The following KIAA0586 variants were observed in gnomAD, a reference collection of about 807,000 sequenced individuals.
KIAA0586 encodes KIAA0586.
Under a neutral mutation model 169.8 loss-of-function variants are expected in KIAA0586, and 144 were observed. The ratio of observed to expected loss-of-function variants is 0.85; its 90% CI spans 0.74 to 0.97. KIAA0586 has a LOEUF of 0.97. KIAA0586 is among the 50% of genes least tolerant of loss of function. The probability of loss-of-function intolerance (pLI) is 0.00; values close to 1 mark genes in which losing one functional copy is unlikely to be tolerated. For synonymous variants in KIAA0586, 625 were observed against 612.4 expected, an observed-to-expected ratio of 1.02 and a Z score of -0.30; for missense variants, 1,854 against 1,823.0, an observed-to-expected ratio of 1.02 and a Z score of -0.31.
rs369243045 is a variant in KIAA0586, at chr14:58,504,240, A to G, written c.4169-4315A>G. Among the ~76,000 whole-genome samples, 12 of 152,328 alleles carry G rather than the reference A, an allele frequency of 7.9e-5. 1 individual carries two copies. The South Asian group carries it at 1.7e-3, about 21-fold the overall frequency. ...TGACCTGATGAGACATTATTCAGTA[A>G]TGAGGATATATAAAAAGGGAGATTT... On this transcript the variant is annotated intron_variant, in intron 27 of 30. Transcript: ENST00000652326.
chr14:58,537,813 A>G (rs1595531933), intron 29 of KIAA0586, among the ~76,000 whole-genome samples: 1 of 151,910 alleles, frequency 6.6e-6, no homozygotes, highest in Non-Finnish European at 1.5e-5. Flanking sequence ...ACGCCCGGCT[A>G]ATTTTTTGTA....
chr14:58,449,758 G>C (rs192610096), intron 7 of KIAA0586, among the ~76,000 whole-genome samples: 176 of 152,212 alleles, frequency 1.2e-3, no homozygotes, highest in African/African-American at 4.0e-3. Context: ...CTCAATTCCA[G>C]AGAATTTCTT....
In KIAA0586 at chr14:58,509,460, G is replaced by A. The variant is rs562088382; in HGVS notation, c.4323+751G>A. 3.5e-4 allele frequency among the ~76,000 whole-genome samples: 53 copies of A among 152,108 alleles called. 2 individuals carry two copies. The South Asian group carries it at 9.3e-3, about 27-fold the overall frequency. On this transcript the variant is annotated intron_variant, in intron 28 of 30. Transcript: ENST00000652326. Reference sequence around the variant, plus strand: ...TGCAATCTTGTGTACTGAAAAAATAGGTTAATTACTCACCAAGATGTTAAT... The same window carrying A: ...TGCAATCTTGTGTACTGAAAAAATAAGTTAATTACTCACCAAGATGTTAAT...
At chr14:58,545,401 C>T (rs905375409) in intron 30 of KIAA0586, among the ~76,000 whole-genome samples, 3 of 152,082 alleles carry the variant, frequency 2.0e-5, no homozygotes, top group African/African-American at 7.2e-5. Flanking sequence ...TAATTTTATG[C>T]ACAAAGTAGA....
At chr14:58,501,814 C>T (rs775543090) in intron 27 of KIAA0586, among the ~76,000 whole-genome samples, 7 of 152,222 alleles carry the variant, frequency 4.6e-5, no homozygotes, top group Non-Finnish European at 8.8e-5. Flanking sequence ...TTGCTATGTA[C>T]GAAATTACCC....
Position 58,458,491 on chromosome 14 carries a change from T to C in KIAA0586, c.1602T>C (p.Ile534=). Residue 534 remains isoleucine, a synonymous_variant, in exon 12 of 31, where the codon ATT becomes ATC. Coordinates refer to ENST00000652326, the MANE Select transcript of KIAA0586 (RefSeq NM_001329943.3). The part of the protein sequence containing the change: ...LSTNREMSEK[I]RIRKTVDEWI... ...TTTATAGAGAGATGTCAGAGAAAAT[T>C]AGGATCAGAAAGACAGTGGATGAAT... 6.5e-7 allele frequency: 1 copy of C among 1,542,804 alleles called. No homozygotes were observed. Among genetic ancestry groups the C allele is most frequent in the African/African-American group, 1.4e-5 (1 of 72,996 alleles).
At position 58,427,994 on chromosome 14, in the gene KIAA0586, A is replaced by G; in HGVS notation, c.-271A>G. The G allele has an allele frequency of 1.4e-6, 2 of 1,422,666 alleles. No individual in the cohort carries two copies. The highest frequency in any genetic ancestry group is 1.8e-6 in the Non-Finnish European group (2 of 1,095,298). 88.1% of individuals were successfully genotyped at this position (1,422,666 alleles called of 1,614,324 possible). On this transcript the variant is annotated 5_prime_UTR_variant, in exon 1 of 31. Coordinates refer to ENST00000652326, the MANE Select transcript of KIAA0586 (RefSeq NM_001329943.3). Reference sequence around the variant, plus strand: ...GGTTGGGGAGTGCACTGTTATGGTTATTGTTGCTCCTGTGGCCATTCTCTT... The same window carrying G: ...GGTTGGGGAGTGCACTGTTATGGTTGTTGTTGCTCCTGTGGCCATTCTCTT...
intron 3 of KIAA0586, among the ~76,000 whole-genome samples, chr14:58,431,965 A>T (rs1595065557): frequency 6.6e-6 from 1 of 152,262 alleles, no homozygotes; most frequent in Middle Eastern, 3.4e-3. Flanking sequence ...ATCTAGGGGC[A>T]TTTTGTAGGA....
intron 21 of KIAA0586, among the ~76,000 whole-genome samples, chr14:58,484,880 A>ATATATATATTTATATATATATT (rs2042269756): frequency 1.4e-4 from 7 of 51,808 alleles, no homozygotes; most frequent in South Asian, 7.4e-4. Flanking sequence ...TATATATATT[A>ATATATATATTTATATATATATT]TATATATATT....
chr14:58,521,204 A>G (rs2045195506), intron 29 of KIAA0586: 1 of 851,688 alleles, frequency 1.2e-6, no homozygotes, highest in South Asian at 1.6e-5. Flanking sequence ...CTTTGTGAGA[A>G]GCCTCATCAT....
In KIAA0586 at chr14:58,527,188, A is replaced by G. The variant is rs369924238; in HGVS notation, c.4430-12883A>G. On this transcript the variant is annotated intron_variant, in intron 29 of 30. Transcript: ENST00000652326. ...TGAAAAGGAATGAACAGTGTCTCCA[A>G]GAAATATGGGGCTATGTGAAAAGAC... Among the ~76,000 whole-genome samples, 4 of 152,312 alleles carry G rather than the reference A, an allele frequency of 2.6e-5. No individual in the cohort carries two copies. The South Asian group carries it at 8.3e-4, about 32-fold the overall frequency.
intron 1 of KIAA0586, among the ~76,000 whole-genome samples, chr14:58,428,976 A>G (rs2037122521): frequency 6.6e-6 from 1 of 152,174 alleles, no homozygotes; most frequent in African/African-American, 2.4e-5. Context: ...ATGTGAGCAA[A>G]AACAGCAAAA....
At chr14:58,486,440 A>G (rs1164681464) in intron 21 of KIAA0586, among the ~76,000 whole-genome samples, 4 of 152,106 alleles carry the variant, frequency 2.6e-5, no homozygotes, top group Non-Finnish European at 4.4e-5. Flanking sequence ...TTTTGGTATA[A>G]TGATCCTTAG....
intron 30 of KIAA0586, among the ~76,000 whole-genome samples, chr14:58,542,301 AC>A (rs1235030271): frequency 1.3e-5 from 2 of 151,934 alleles, no homozygotes; most frequent in African/African-American, 4.8e-5. Flanking sequence ...ACATGGTGAA[AC>A]CCCGTCTCTA....
At position 58,525,459 on chromosome 14, in the gene KIAA0586, C is replaced by G. The variant is rs182858617; in HGVS notation, c.4429+12832C>G. 2.2e-4 allele frequency among the ~76,000 whole-genome samples: 34 copies of G among 151,982 alleles called. No homozygotes were observed. The Middle Eastern group carries it at 0.01, about 46-fold the overall frequency. On this transcript the variant is annotated intron_variant, in intron 29 of 30. Coordinates refer to ENST00000652326, the MANE Select transcript of KIAA0586 (RefSeq NM_001329943.3). The stretch of plus-strand genomic sequence containing the variant: ...GCCTCACCCGTGAAGTGCAAGGGGT[C>G]GGGGAACTCCCTCCTCTAGCCAAGT...
chr14:58,428,560 T>G, intron 1 of KIAA0586, 97 bp downstream of exon 1: 1 of 905,496 alleles, frequency 1.1e-6, no homozygotes, highest in Non-Finnish European at 1.7e-6. Flanking sequence ...AAGTCTAGTT[T>G]GTACAGATGT....
At chr14:58,454,694 G>T (rs1329058668) in intron 9 of KIAA0586, among the ~76,000 whole-genome samples, 1 of 152,124 alleles carries the variant, frequency 6.6e-6, no homozygotes, top group African/African-American at 2.4e-5. Context: ...TCTCATAGTT[G>T]TGGAAGCTGG....
In KIAA0586 at chr14:58,487,900, T is replaced by C; in HGVS notation, c.3318T>C (p.Pro1106=). The C allele has an allele frequency of 6.2e-7, 1 of 1,612,180 alleles. No individual in the cohort carries two copies. The stretch of plus-strand genomic sequence containing the variant: ...AAAAACCTTTAGGAGATGATATGCC[T>C]GCCATCATGCTTGTTAATACTCCAA... The part of the protein sequence containing the change: ...EICAEKGDDM[P]AIMLVNTPTV... The change falls in exon 23 of 31, where the codon CCT becomes CCC. Residue 1106 remains proline (P), a synonymous_variant. Transcript: ENST00000652326.
At chr14:58,539,969 G>T (rs766263607) in intron 29 of KIAA0586, 102 bp from the exon 30 acceptor site, 25 of 667,340 alleles carry the variant, frequency 3.7e-5, no homozygotes, top group Middle Eastern at 7.6e-4. Context: ...GAGAATAACG[G>T]TGGGAGTGCA....
Sources: gnomAD v4.1 joint callset for allele counts (sites outside exome capture counted in the v4.1 genomes callset) on GRCh38, gnomAD v4.1.1 for gene constraint, MANE v1.5 for transcripts, NCBI Gene and HGNC (gene_info 2026-07-23, HGNC 2026-07-21) for gene names.